S100A10: variants seen among roughly 807,000 people sequenced by gnomAD.
S100A10 encodes the protein protein S100-A10.
Under a neutral mutation model 7.1 loss-of-function variants are expected in S100A10, and 3 were observed. The observed-to-expected ratio is 0.42, with a 90% CI of 0.19 to 1.10. The LOEUF (loss-of-function observed/expected upper bound fraction) is 1.10, where lower values mean the gene tolerates loss of function less well. Among genes scored for constraint, S100A10 ranks in the 50% least tolerant of loss-of-function variants. S100A10 has a pLI of 0.29. For synonymous variants in S100A10, 41 were observed against 39.3 expected, an observed-to-expected ratio of 1.04 and a Z score of -0.16; for missense variants, 101 against 118.1, an observed-to-expected ratio of 0.86 and a Z score of 0.67.
rs386368314 is a variant in S100A10, at chr1:151,987,027, CTTTTTTTTTTTT to C, written c.-21-788_-21-777del. Among the ~76,000 whole-genome samples the C allele has an allele frequency of 3.0e-3, 251 of 83,550 alleles. 2 individuals carry two copies. In the Middle Eastern group the frequency reaches 0.043, roughly 14 times the overall value. 54.8% of individuals were successfully genotyped at this position (83,550 alleles called of 152,430 possible). A position where few individuals can be genotyped will look rare whatever the true frequency, so the allele number is the denominator to read the frequency against. On this transcript the variant is annotated intron_variant, in intron 1 of 2. Transcript: ENST00000368811. ...TTAGAAAAGCAACATCAGTGTTCCT[CTTTTTTTTTTTT>C]TTTTTTTTTTTTTTGAGACGGAGCT... is the stretch of plus-strand genomic sequence containing the variant.
chr1:151,990,405 C>T (rs866293411), intron 1 of S100A10, among the ~76,000 whole-genome samples: 1 of 152,312 alleles, frequency 6.6e-6, no homozygotes, highest in South Asian at 2.1e-4. Flanking sequence ...TGCTGAGCTC[C>T]ACAGGATAAT....
intron 1 of S100A10, among the ~76,000 whole-genome samples, chr1:151,992,848 T>C (rs1028701100): frequency 6.7e-6 from 1 of 148,736 alleles, no homozygotes; most frequent in African/African-American, 2.5e-5. Context: ...GAGCTCCTGG[T>C]TTCACTTAGG....
At chr1:151,985,750 C>G (rs1572108046) in intron 2 of S100A10, among the ~76,000 whole-genome samples, 1 of 152,308 alleles carries the variant, frequency 6.6e-6, no homozygotes, top group Non-Finnish European at 1.5e-5. Context: ...CTGTCCCCAA[C>G]ATCGTCACAA....
chr1:151,988,155 C>T (rs1655836427), intron 1 of S100A10, among the ~76,000 whole-genome samples: 1 of 152,158 alleles, frequency 6.6e-6, no homozygotes, highest in African/African-American at 2.4e-5. Flanking sequence ...GTATATGTCT[C>T]ACAAGACCCA....
Position 151,993,727 on chromosome 1 carries a change from G to A in S100A10, c.-22+25C>T, listed in dbSNP as rs1387926480. On this transcript the variant is annotated intron_variant, in intron 1 of 2. Transcript: ENST00000368811. The surrounding 1 kb of genome is among the most constrained non-coding windows in gnomAD (Gnocchi z 5.1). Reference sequence around the variant, plus strand: ...CCGGGCCTGGGGACTACCCAGGAGGGGCGCGTGGGCCGGGCGGAGCTCACC... The same window carrying A: ...CCGGGCCTGGGGACTACCCAGGAGGAGCGCGTGGGCCGGGCGGAGCTCACC... 1 of 153,142 alleles carries A rather than the reference G, an allele frequency of 6.5e-6. No individual in the cohort carries two copies. Among genetic ancestry groups the A allele is most frequent in the African/African-American group, 2.4e-5 (1 of 41,460 alleles). 9.5% of individuals were successfully genotyped at this position (153,142 alleles called of 1,614,324 possible).
rs922086353 is a variant in S100A10, at chr1:151,992,350, C to T, written c.-22+1402G>A. ...AAATATCCGCAACAACTGCAAACCT[C>T]TTAGCGGGAAAAGCTACCTCCCAAG... On this transcript the variant is annotated intron_variant, in intron 1 of 2. Coordinates refer to ENST00000368811, the MANE Select transcript of S100A10 (RefSeq NM_002966.3). Among the ~76,000 whole-genome samples the T allele has an allele frequency of 3.9e-5, 6 of 152,216 alleles. No individual in the cohort carries two copies. In the East Asian group the frequency reaches 1.2e-3, roughly 29 times the overall value.
At chr1:151,987,177 TG>T (rs1245933880) in intron 1 of S100A10, among the ~76,000 whole-genome samples, 1 of 151,868 alleles carries the variant, frequency 6.6e-6, no homozygotes, top group Non-Finnish European at 1.5e-5. Flanking sequence ...GCTAATTTTT[TG>T]TATTTTTAGT....
intron 2 of S100A10, among the ~76,000 whole-genome samples, chr1:151,984,724 T>C (rs1655756443): frequency 6.6e-6 from 1 of 152,234 alleles, no homozygotes; most frequent in Admixed American, 6.5e-5. Flanking sequence ...CAGGCAGGCT[T>C]ACAATGAGCA....
rs113690071 is a variant in S100A10, at chr1:151,986,825, C to T, written c.-21-574G>A. ...TTGGAAAGATGGAGATTAGATCATC[C>T]ATCTGATCTTCTCCAGCTTTAAAAT... On this transcript the variant is annotated intron_variant, in intron 1 of 2. Coordinates refer to ENST00000368811, the MANE Select transcript of S100A10 (RefSeq NM_002966.3). 7.3e-3 allele frequency among the ~76,000 whole-genome samples: 1,107 copies of T among 152,246 alleles called. 19 individuals carry two copies. Among genetic ancestry groups the T allele is most frequent in the African/African-American group, 0.026 (1,067 of 41,538 alleles).
intron 2 of S100A10, among the ~76,000 whole-genome samples, chr1:151,985,665 A>G (rs545603255): frequency 1.1e-4 from 16 of 152,170 alleles, no homozygotes. Context: ...CATCTCCACC[A>G]CCAGGTTTTT....
intron 1 of S100A10, among the ~76,000 whole-genome samples, chr1:151,989,851 C>A (rs1295546074): frequency 2.6e-5 from 4 of 152,214 alleles, no homozygotes; most frequent in Non-Finnish European, 5.9e-5. Context: ...CTTCCTGCAT[C>A]CTGGTTAGAC....
intron 1 of S100A10, among the ~76,000 whole-genome samples, chr1:151,992,896 C>T (rs1395527750): frequency 6.6e-6 from 1 of 152,104 alleles, no homozygotes; most frequent in Non-Finnish European, 1.5e-5. Flanking sequence ...GCAGTGTCCA[C>T]GGCTAGGGGC....
chr1:151,986,612 A>T (rs557739125), intron 1 of S100A10, among the ~76,000 whole-genome samples: 3 of 152,322 alleles, frequency 2.0e-5, no homozygotes, highest in African/African-American at 4.8e-5. Context: ...CTCAAATGCA[A>T]TCACCCCAGC....
chr1:151,983,631 G>GA lies in S100A10; in HGVS notation c.133-308dup, dbSNP rs539206794. ...TGGCATGGTCAAATCCCTTACAAAGGAAACTCCTTATGAAAAGATATTTAT... is the reference window on the plus strand; with the variant it reads ...TGGCATGGTCAAATCCCTTACAAAGGAAAACTCCTTATGAAAAGATATTTAT... On this transcript the variant is annotated intron_variant, in intron 2 of 2. Coordinates refer to ENST00000368811, the MANE Select transcript of S100A10 (RefSeq NM_002966.3). Among the ~76,000 whole-genome samples the GA allele has an allele frequency of 4.6e-5, 7 of 152,184 alleles. No individual in the cohort carries two copies. In the South Asian group the frequency reaches 1.2e-3, roughly 27 times the overall value.
intron 1 of S100A10, 84 bp from the exon 2 acceptor site, chr1:151,986,335 AG>A: frequency 3.0e-6 from 3 of 990,700 alleles, no homozygotes; most frequent in Non-Finnish European, 1.5e-6. Flanking sequence ...TTAAATTGAA[AG>A]ATAAAATTGT....
chr1:151,985,977 C>T, intron 2 of S100A10, 122 bp downstream of exon 2: 1 of 702,786 alleles, frequency 1.4e-6, no homozygotes, highest in Non-Finnish European at 2.3e-6. Flanking sequence ...CAGGTGACTA[C>T]ATTCATTTAT....
intron 1 of S100A10, among the ~76,000 whole-genome samples, chr1:151,990,645 T>C (rs1655885750): frequency 6.6e-6 from 1 of 152,192 alleles, no homozygotes; most frequent in Non-Finnish European, 1.5e-5. Flanking sequence ...ACTTTGAATG[T>C]CCCAGACATG....
intron 1 of S100A10, 97 bp from the exon 2 acceptor site, chr1:151,986,348 T>C (rs1048460140): frequency 2.4e-6 from 2 of 847,984 alleles, no homozygotes; most frequent in Non-Finnish European, 3.6e-6. Context: ...TAAAATTGTA[T>C]GTATTTAATG....
chr1:151,987,027 C>CTTTTTTTT (rs386368314), intron 1 of S100A10, among the ~76,000 whole-genome samples: 3 of 83,550 alleles, frequency 3.6e-5, no homozygotes, highest in Admixed American at 1.8e-4. Flanking sequence ...CAGTGTTCCT[C>CTTTTTTTT]TTTTTTTTTT....
Sources: allele counts gnomAD v4.1 joint callset (sites outside exome capture counted in the v4.1 genomes callset), GRCh38; gene constraint gnomAD v4.1.1; non-coding constraint Gnocchi (gnomAD v3.1); transcripts MANE v1.5; gene names NCBI Gene and HGNC (gene_info 2026-07-23, HGNC 2026-07-21).